The following UGT1A9 variants were observed in gnomAD, a reference collection of about 807,000 sequenced individuals.
The protein encoded by UGT1A9 is UDP-glucuronosyltransferase 1A9.
In UGT1A9, 35 loss-of-function variants were observed where a neutral mutation model predicts 45.0. The observed-to-expected ratio is 0.78, with a 90% CI of 0.59 to 1.03. The LOEUF (loss-of-function observed/expected upper bound fraction) is 1.03, where lower values mean the gene tolerates loss of function less well. Ranked by LOEUF, UGT1A9 falls within the 50% of genes least tolerant of loss-of-function variation. The probability of loss-of-function intolerance (pLI) is 0.00; values close to 1 mark genes in which losing one functional copy is unlikely to be tolerated. For synonymous variants in UGT1A9, 278 were observed against 250.6 expected (o/e 1.11, Z -1.03); for missense variants, 687 against 666.6 (o/e 1.03, Z -0.34).
At chr2:233,676,674 C>T (rs1230120376) in intron 1 of UGT1A9, among the ~76,000 whole-genome samples, 5 of 152,114 alleles carry the variant, frequency 3.3e-5, no homozygotes, top group African/African-American at 1.2e-4. Context: ...TCGAGCAGTC[C>T]TAGTCAGGTG....
At chr2:233,709,068 C>G (rs1483452630) in intron 1 of UGT1A9, among the ~76,000 whole-genome samples, 3 of 152,116 alleles carry the variant, frequency 2.0e-5, no homozygotes, top group Non-Finnish European at 4.4e-5. Flanking sequence ...AGTTAAAGTT[C>G]TTCTGCCTCA....
rs35915271 is a variant in UGT1A9 at position 233,764,965 on chromosome 2, A to T, written c.856-2069A>T. On this transcript the variant is annotated intron_variant, in intron 1 of 4. Coordinates refer to ENST00000354728, the MANE Select transcript of UGT1A9 (RefSeq NM_021027.3). ...GCGGGGAGAGAGGGCTCACCTTGGG[A>T]GAAGGATGGTCAGTGTCTGGGGCTT... Among the ~76,000 whole-genome samples the T allele has an allele frequency of 1.4e-3, 217 of 150,630 alleles. 1 individual carries two copies. The highest frequency in any genetic ancestry group is 5.0e-3 in the African/African-American group (206 of 40,976).
intron 1 of UGT1A9, among the ~76,000 whole-genome samples, chr2:233,710,769 A>T (rs1428591995): frequency 1.3e-5 from 2 of 152,168 alleles, no homozygotes; most frequent in Non-Finnish European, 2.9e-5. Context: ...TGATTAAGTC[A>T]ATTTTAGCAA....
At chr2:233,718,999 T>G in intron 1 of UGT1A9, 2 of 1,614,228 alleles carry the variant, frequency 1.2e-6, no homozygotes, top group Non-Finnish European at 1.7e-6. Context: ...CAGGCGGTGG[T>G]CCTCACCCCA....
At chr2:233,713,529 T>A in intron 1 of UGT1A9, 1 of 1,613,944 alleles carries the variant, frequency 6.2e-7, no homozygotes, top group Non-Finnish European at 8.5e-7. Flanking sequence ...TCCATGTGAT[T>A]TAGACTTTAA....
rs139555179 is a variant in UGT1A9, at chr2:233,713,053, G to A, written c.855+40264G>A. ...GCCACAGGACTGCTGCTTCTCCTCA[G>A]TGTCCAGCCCTGGGCTGAGAGTGGG... is the stretch of plus-strand genomic sequence containing the variant. On this transcript the variant is annotated intron_variant, in intron 1 of 4. Coordinates refer to ENST00000354728, the MANE Select transcript of UGT1A9 (RefSeq NM_021027.3). 2.5e-6 allele frequency: 4 copies of A among 1,613,988 alleles called. No homozygotes were observed. In the African/African-American group the frequency reaches 5.3e-5, roughly 22 times the overall value.
chr2:233,682,065 C>T (rs1307914896), intron 1 of UGT1A9: 1 of 1,613,818 alleles, frequency 6.2e-7, no homozygotes, highest in Non-Finnish European at 8.5e-7. Flanking sequence ...ACCATGCAGT[C>T]GGTGGTGGAG....
chr2:233,769,458 C>G lies in UGT1A9; in HGVS notation c.1295+1019C>G, dbSNP rs896047328. On this transcript the variant is annotated intron_variant, in intron 4 of 4. Coordinates refer to ENST00000354728, the MANE Select transcript of UGT1A9 (RefSeq NM_021027.3). This position sits in a 1 kb window ranked among gnomAD's most constrained non-coding sequence, Gnocchi z 4.4. ...ATGTGTGGGTGCACACGTGTGCATTCATATGCGTGTGTGTGTGTGTGCGTG... is the reference window on the plus strand; with the variant it reads ...ATGTGTGGGTGCACACGTGTGCATTGATATGCGTGTGTGTGTGTGTGCGTG... The G allele has an allele frequency of 2.5e-6, 4 of 1,593,602 alleles. No individual in the cohort carries two copies. The African/African-American group carries it at 4.0e-5, about 16-fold the overall frequency.
intron 1 of UGT1A9, chr2:233,729,105 G>A (rs779665217): frequency 1.9e-6 from 3 of 1,612,662 alleles, no homozygotes; most frequent in East Asian, 4.5e-5. Context: ...TGGACAGTCA[G>A]CTGTCCGTGT....
At chr2:233,732,419 C>T (rs1270659145) in intron 1 of UGT1A9, among the ~76,000 whole-genome samples, 4 of 152,190 alleles carry the variant, frequency 2.6e-5, no homozygotes, top group Non-Finnish European at 5.9e-5. Context: ...CCTAGGTTTT[C>T]TTCTAGGATT....
chr2:233,713,488 C>T (rs758374226), intron 1 of UGT1A9: 11 of 1,613,830 alleles, frequency 6.8e-6, no homozygotes, highest in Admixed American at 5.0e-5. Flanking sequence ...AAGTACCTGT[C>T]GATTCCTGCT....
chr2:233,704,781 G>A (rs989120874), intron 1 of UGT1A9, among the ~76,000 whole-genome samples: 3 of 152,050 alleles, frequency 2.0e-5, no homozygotes, highest in South Asian at 4.2e-4. Context: ...ATATGTTATA[G>A]TCCCAACAAT....
intron 1 of UGT1A9, among the ~76,000 whole-genome samples, chr2:233,735,366 G>C (rs2078646092): frequency 6.6e-6 from 1 of 151,988 alleles, no homozygotes; most frequent in Non-Finnish European, 1.5e-5. Context: ...TTGTTTGGTA[G>C]ATCTTCCTCC....
At chr2:233,727,849 C>T (rs1182266870) in intron 1 of UGT1A9, among the ~76,000 whole-genome samples, 2 of 152,218 alleles carry the variant, frequency 1.3e-5, no homozygotes, top group Admixed American at 6.5e-5. Flanking sequence ...GGAGTAATTT[C>T]CTCCCTAAGG....
chr2:233,760,594 G>T, intron 1 of UGT1A9: 1 of 1,614,198 alleles, frequency 6.2e-7, no homozygotes, highest in Non-Finnish European at 8.5e-7. Context: ...TTTTGAGAAT[G>T]ATTCTTTCCT....
chr2:233,697,860 A>G (rs1477304653), intron 1 of UGT1A9, among the ~76,000 whole-genome samples: 1 of 152,154 alleles, frequency 6.6e-6, no homozygotes, highest in Non-Finnish European at 1.5e-5. Context: ...AAAGTTATGC[A>G]TTTATTTAAT....
intron 1 of UGT1A9, among the ~76,000 whole-genome samples, chr2:233,704,256 CTT>C (rs59925871): frequency 4.9e-4 from 60 of 123,596 alleles, no homozygotes; most frequent in Non-Finnish European, 7.4e-4. Flanking sequence ...GCCTTTATTG[CTT>C]TTTTTTTTTT....
Position 233,672,776 on chromosome 2 carries a change from A to G in UGT1A9, c.842A>G (p.Lys281Arg). 6.2e-7 allele frequency: 1 copy of G among 1,613,588 alleles called. No homozygotes were observed. The highest frequency in any genetic ancestry group is 8.5e-7 in the Non-Finnish European group (1 of 1,179,562). ...FIGGINCHQGKPLPMEFEAYI... is the reference protein window; with the variant it reads ...FIGGINCHQGRPLPMEFEAYI... ...GGTGGTATCAACTGCCATCAGGGAA[A>G]GCCGTTGCCTATGGTAAGTTATCTC... is the stretch of plus-strand genomic sequence containing the variant. The change falls in exon 1 of 5, where the codon AAG becomes AGG. Residue 281 changes from lysine to arginine, a missense_variant. Physicochemically the swap from Lys to Arg is conservative, Grantham distance 26. Coordinates refer to ENST00000354728, the MANE Select transcript of UGT1A9 (RefSeq NM_021027.3).
chr2:233,717,541 C>G (rs1044536522), intron 1 of UGT1A9, among the ~76,000 whole-genome samples: 14 of 152,370 alleles, frequency 9.2e-5, no homozygotes, highest in Non-Finnish European at 1.5e-4. Flanking sequence ...GAAGCCTCAG[C>G]CTCACCAGCA....
Sources: allele counts gnomAD v4.1 joint callset (sites outside exome capture counted in the v4.1 genomes callset), GRCh38; gene constraint gnomAD v4.1.1; non-coding constraint Gnocchi (gnomAD v3.1); transcripts MANE v1.5; gene names NCBI Gene and HGNC (gene_info 2026-07-23, HGNC 2026-07-21).